Variants in WT1 observed in about 807,000 individuals in gnomAD.
The protein encoded by WT1 is WT1 transcription factor.
WT1 carries 8 observed loss-of-function variants against 60.8 expected under a neutral mutation model. That is an observed-to-expected ratio of 0.13 (90% CI 0.08 to 0.24). The LOEUF (loss-of-function observed/expected upper bound fraction) is 0.24, where lower values mean the gene tolerates loss of function less well. Among genes scored for constraint, WT1 ranks in the 10% least tolerant of loss-of-function variants. WT1 has a pLI of 1.00. For synonymous variants in WT1, 312 were observed against 297.1 expected, an observed-to-expected ratio of 1.05 and a Z score of -0.52; for missense variants, 568 against 711.8, an observed-to-expected ratio of 0.80 and a Z score of 2.30.
chr11:32,430,443 A>AGG, intron 1 of WT1: 1 of 1,341,038 alleles, frequency 7.5e-7, no homozygotes, highest in Non-Finnish European at 1.0e-6. Context: ...AGAGAGAGAG[A>AGG]GAGAGAGGGA....
chr11:32,393,760 T>C (rs1220987381), intron 7 of WT1, among the ~76,000 whole-genome samples: 1 of 152,254 alleles, frequency 6.6e-6, no homozygotes, highest in African/African-American at 2.4e-5. Context: ...GCTTGGAAAC[T>C]GCATGGGCCA....
chr11:32,431,956 C>A (rs1446366514), intron 1 of WT1, among the ~76,000 whole-genome samples: 1 of 152,170 alleles, frequency 6.6e-6, no homozygotes, highest in African/African-American at 2.4e-5. Context: ...TCTCATAGAA[C>A]CTGGATTTCC....
intron 3 of WT1, among the ~76,000 whole-genome samples, chr11:32,423,196 C>T (rs746143681): frequency 3.3e-5 from 5 of 152,234 alleles, no homozygotes; most frequent in Non-Finnish European, 7.3e-5. Context: ...TGGTACCTTC[C>T]CTCTGGGCAA....
chr11:32,412,119 CTGGGCTGTGTAT>C (rs1852520371), intron 5 of WT1, among the ~76,000 whole-genome samples: 1 of 152,168 alleles, frequency 6.6e-6, no homozygotes, highest in Non-Finnish European at 1.5e-5. Flanking sequence ...AGGGAAGGTG[CTGGGCTGTGTAT>C]TGGAGCTCCC....
intron 1 of WT1, chr11:32,430,929 G>C: frequency 1.0e-6 from 1 of 1,000,452 alleles, no homozygotes; most frequent in Non-Finnish European, 1.2e-6. Flanking sequence ...GCGGGGGCAG[G>C]GGCCAGGGGA....
At chr11:32,412,558 A>G (rs1276665350) in intron 5 of WT1, among the ~76,000 whole-genome samples, 1 of 152,000 alleles carries the variant, frequency 6.6e-6, no homozygotes. Context: ...AGGGTAGGAG[A>G]GGCTTGTTCG....
In WT1 at chr11:32,393,929, G is replaced by A. The variant is rs570250144; in HGVS notation, c.1265-1174C>T. ...TTTCTCAGAGACAGAGTCTCTCTCTGTTGCCCAGACTAAAGCGCAGTGGTG... is the reference window on the plus strand; with the variant it reads ...TTTCTCAGAGACAGAGTCTCTCTCTATTGCCCAGACTAAAGCGCAGTGGTG... On this transcript the variant is annotated intron_variant, in intron 7 of 9. Transcript: ENST00000452863. 2.1e-4 allele frequency among the ~76,000 whole-genome samples: 32 copies of A among 152,264 alleles called. 1 individual carries two copies. In the South Asian group the frequency reaches 6.6e-3, roughly 32 times the overall value.
chr11:32,410,324 A>G (rs905782104), intron 5 of WT1, among the ~76,000 whole-genome samples: 7 of 152,194 alleles, frequency 4.6e-5, no homozygotes, highest in African/African-American at 1.7e-4. Flanking sequence ...AGAACAATTT[A>G]AAACAAAACC....
Position 32,388,303 on chromosome 11 carries a change from A to G in WT1, c.*755T>C, listed in dbSNP as rs1362455979. On this transcript the variant is annotated 3_prime_UTR_variant, in exon 10 of 10. Transcript: ENST00000452863. ...GAGGTATGTACATCTATAAAGACAC[A>G]TATGATTACCACTCAAAAGAGTCAA... 1 of 233,686 alleles carries G rather than the reference A, an allele frequency of 4.3e-6. No homozygotes were observed. The highest frequency in any genetic ancestry group is 2.2e-5 in the African/African-American group (1 of 45,352). 14.5% of individuals were successfully genotyped at this position (233,686 alleles called of 1,614,324 possible). A position where few individuals can be genotyped will look rare whatever the true frequency, so the allele number is the denominator to read the frequency against.
At chr11:32,410,783 T>C (rs954548568) in intron 5 of WT1, among the ~76,000 whole-genome samples, 1 of 152,224 alleles carries the variant, frequency 6.6e-6, no homozygotes, top group Non-Finnish European at 1.5e-5. Context: ...GAAATAAAGC[T>C]AGAATAAATA....
chr11:32,417,084 A>T (rs1157546996), intron 4 of WT1, among the ~76,000 whole-genome samples: 1 of 151,828 alleles, frequency 6.6e-6, no homozygotes, highest in African/African-American at 2.4e-5. Context: ...TCCTGGCTGT[A>T]TTCTCCCTAT....
At chr11:32,416,211 T>C (rs2133030878) in intron 5 of WT1, among the ~76,000 whole-genome samples, 1 of 152,256 alleles carries the variant, frequency 6.6e-6, no homozygotes, top group South Asian at 2.1e-4. Context: ...AATTTAGTAT[T>C]TAGTATTTTG....
chr11:32,397,947 G>A (rs956208299), intron 6 of WT1, among the ~76,000 whole-genome samples: 1 of 152,150 alleles, frequency 6.6e-6, no homozygotes. Flanking sequence ...AACTGGGCTT[G>A]ATGGGAAAGA....
chr11:32,430,955 T>A, intron 1 of WT1: 1 of 728,480 alleles, frequency 1.4e-6, no homozygotes, highest in Non-Finnish European at 1.8e-6. Flanking sequence ...AGCTGCCGGC[T>A]GGAAGGAGCA....
At position 32,392,136 on chromosome 11, in the gene WT1, C is replaced by T. The variant is rs189922638; in HGVS notation, c.1355-72G>A. The T allele has an allele frequency of 9.7e-5, 136 of 1,405,774 alleles. 1 individual carries two copies. The East Asian group carries it at 2.1e-3, about 21-fold the overall frequency. The allele number at this position is 1,405,774 out of a possible 1,614,324, so 87.1% of individuals were successfully genotyped here. Reference sequence around the variant, plus strand: ...CAGTGAGGCCCACAAGGCTGACTTCCGGCAGCTGGAGGAGCCCAGCATTTC... The same window carrying T: ...CAGTGAGGCCCACAAGGCTGACTTCTGGCAGCTGGAGGAGCCCAGCATTTC... On this transcript the variant is annotated intron_variant, in intron 8 of 9. Coordinates refer to ENST00000452863, the MANE Select transcript of WT1 (RefSeq NM_024426.6).
At chr11:32,416,916 G>A (rs1448730862) in intron 4 of WT1, among the ~76,000 whole-genome samples, 2 of 152,150 alleles carry the variant, frequency 1.3e-5, no homozygotes, top group Non-Finnish European at 2.9e-5. Context: ...CACCTGACAC[G>A]CTGCAGGCAC....
intron 5 of WT1, among the ~76,000 whole-genome samples, chr11:32,411,509 G>C (rs1852497720): frequency 6.6e-6 from 1 of 152,186 alleles, no homozygotes; most frequent in African/African-American, 2.4e-5. Context: ...CTAAAATTTT[G>C]TGCAACATCA....
chr11:32,421,396 C>T (rs565424031), intron 3 of WT1, among the ~76,000 whole-genome samples: 4 of 152,328 alleles, frequency 2.6e-5, no homozygotes, highest in African/African-American at 4.8e-5. Context: ...CAGCTCCAAC[C>T]GTCTAACTCT....
chr11:32,430,933 CA>C (rs1426849225), intron 1 of WT1: 1 of 962,602 alleles, frequency 1.0e-6, no homozygotes, highest in Non-Finnish European at 1.3e-6. Context: ...GGGCAGGGGC[CA>C]GGGGAGGTAA....
Sources: gnomAD v4.1 joint callset for allele counts (sites outside exome capture counted in the v4.1 genomes callset) on GRCh38, gnomAD v4.1.1 for gene constraint, MANE v1.5 for transcripts, NCBI Gene and HGNC (gene_info 2026-07-23, HGNC 2026-07-21) for gene names.